The following PTPRD variants were observed in gnomAD, a reference collection of about 807,000 sequenced individuals.
PTPRD encodes protein tyrosine phosphatase receptor type D.
In PTPRD, 34 loss-of-function variants were observed where a neutral mutation model predicts 214.5. The observed-to-expected ratio is 0.16, with a 90% CI of 0.12 to 0.21. PTPRD has a LOEUF of 0.21. PTPRD is among the 10% of genes least tolerant of loss of function. PTPRD has a pLI of 1.00. For synonymous variants in PTPRD, 1,128 were observed against 845.7 expected (o/e 1.33, Z -5.79); for missense variants, 2,545 against 2,398.7 (o/e 1.06, Z -1.27).
intron 8 of PTPRD, among the ~76,000 whole-genome samples, chr9:9,464,672 T>C (rs558136374): frequency 1.1e-4 from 16 of 152,278 alleles, no homozygotes; most frequent in African/African-American, 3.4e-4. Context: ...CATCTGTTAG[T>C]TGATTTCCAC....
chr9:9,113,599 A>C (rs2099809188), intron 10 of PTPRD, among the ~76,000 whole-genome samples: 1 of 152,140 alleles, frequency 6.6e-6, no homozygotes, highest in Admixed American at 6.6e-5. Flanking sequence ...CTCCAGTCCC[A>C]GATTTGTGTA....
At chr9:8,339,581 A>G (rs759737006) in intron 42 of PTPRD, among the ~76,000 whole-genome samples, 14 of 152,070 alleles carry the variant, frequency 9.2e-5, no homozygotes, top group Non-Finnish European at 1.5e-4. Flanking sequence ...CATTGGCCAA[A>G]TCAGAGTAAG....
intron 2 of PTPRD, among the ~76,000 whole-genome samples, chr9:10,540,218 G>A (rs528809077): frequency 6.6e-6 from 1 of 152,088 alleles, no homozygotes; most frequent in African/African-American, 2.4e-5. Flanking sequence ...TTGAGAGACA[G>A]GGTTTCACCA....
intron 12 of PTPRD, among the ~76,000 whole-genome samples, chr9:8,654,444 AC>A (rs1186693082): frequency 3.3e-5 from 5 of 152,174 alleles, no homozygotes; most frequent in Non-Finnish European, 1.5e-5. Flanking sequence ...GGAGTAAACG[AC>A]GAGTTCATAA....
intron 8 of PTPRD, among the ~76,000 whole-genome samples, chr9:9,551,739 C>G (rs1050666475): frequency 6.6e-6 from 1 of 151,948 alleles, no homozygotes. Context: ...AAAAGCTGAT[C>G]TTAGAACCCC....
chr9:8,852,397 A>G lies in PTPRD; in HGVS notation c.-103-118451T>C, dbSNP rs375291607. Among the ~76,000 whole-genome samples, 6 of 152,244 alleles carry G rather than the reference A, an allele frequency of 3.9e-5. No homozygotes were observed. In the East Asian group the frequency reaches 9.6e-4, roughly 24 times the overall value. On this transcript the variant is annotated intron_variant, in intron 11 of 45. Coordinates refer to ENST00000381196, the MANE Select transcript of PTPRD (RefSeq NM_002839.4). ...GACATTGTTATCTGAATGTCAAGGA[A>G]GAAGCAAACTTAGCCTTTCTGGTCA...
chr9:10,506,960 G>A (rs967990006), intron 2 of PTPRD, among the ~76,000 whole-genome samples: 5 of 152,058 alleles, frequency 3.3e-5, no homozygotes, highest in Non-Finnish European at 7.4e-5. Context: ...GCCCTGGCCA[G>A]AACTTCCAAC....
In PTPRD at chr9:9,890,648, C is replaced by G. The variant is rs968735877; in HGVS notation, c.-368+47859G>C. On this transcript the variant is annotated intron_variant, in intron 5 of 45. Transcript: ENST00000381196. Reference sequence around the variant, plus strand: ...TTCTGGGATGGGACTCAATGAATGACCCCCAAAACAATGTTGCAGAACTGA... The same window carrying G: ...TTCTGGGATGGGACTCAATGAATGAGCCCCAAAACAATGTTGCAGAACTGA... Among the ~76,000 whole-genome samples the G allele has an allele frequency of 3.3e-5, 5 of 151,912 alleles. 1 individual carries two copies. The highest frequency in any genetic ancestry group is 1.2e-4 in the African/African-American group (5 of 41,360).
chr9:9,181,774 T>C (rs1470112093), intron 10 of PTPRD, among the ~76,000 whole-genome samples: 1 of 152,006 alleles, frequency 6.6e-6, no homozygotes, highest in Non-Finnish European at 1.5e-5. Context: ...ATGTCATTAA[T>C]GGAGGCATAT....
intron 9 of PTPRD, among the ~76,000 whole-genome samples, chr9:9,216,681 G>C (rs1156406636): frequency 6.6e-6 from 1 of 152,042 alleles, no homozygotes; most frequent in Admixed American, 6.6e-5. Flanking sequence ...ACCAAGCTTG[G>C]TATCATTCCT....
At chr9:8,545,881 T>C (rs976473504) in intron 14 of PTPRD, among the ~76,000 whole-genome samples, 3 of 152,222 alleles carry the variant, frequency 2.0e-5, no homozygotes, top group Non-Finnish European at 4.4e-5. Flanking sequence ...ATTAAGCCTG[T>C]TCAAGAAGAA....
intron 8 of PTPRD, among the ~76,000 whole-genome samples, chr9:9,501,851 G>A (rs780356162): frequency 6.6e-6 from 1 of 151,850 alleles, no homozygotes; most frequent in African/African-American, 2.4e-5. Flanking sequence ...AGAAAATATA[G>A]TAAACGGAAA....
At chr9:9,147,818 A>G (rs1209955730) in intron 10 of PTPRD, among the ~76,000 whole-genome samples, 1 of 152,186 alleles carries the variant, frequency 6.6e-6, no homozygotes. Context: ...CAAATCTGGA[A>G]TATCAATCAG....
At chr9:8,790,880 T>C (rs943056664) in intron 11 of PTPRD, among the ~76,000 whole-genome samples, 2 of 152,168 alleles carry the variant, frequency 1.3e-5, no homozygotes, top group African/African-American at 2.4e-5. Flanking sequence ...ATTCGGTCCC[T>C]CAGTCTCACT....
At chr9:10,077,235 C>T (rs567834701) in intron 3 of PTPRD, among the ~76,000 whole-genome samples, 24 of 152,246 alleles carry the variant, frequency 1.6e-4, no homozygotes, top group African/African-American at 5.5e-4. Flanking sequence ...CCTGCTCACC[C>T]CTTTCTCCCA....
chr9:9,282,091 C>A (rs923509705), intron 9 of PTPRD, among the ~76,000 whole-genome samples: 3 of 147,240 alleles, frequency 2.0e-5, no homozygotes, highest in African/African-American at 7.3e-5. Flanking sequence ...AATAGTTACC[C>A]AGAGTAAGGA....
chr9:9,744,475 A>C (rs927470215), intron 6 of PTPRD, among the ~76,000 whole-genome samples: 1 of 152,106 alleles, frequency 6.6e-6, no homozygotes, highest in African/African-American at 2.4e-5. Context: ...GAGCTTACAG[A>C]ACTTACCTCA....
chr9:8,755,437 G>A (rs185755806), intron 11 of PTPRD, among the ~76,000 whole-genome samples: 52 of 150,532 alleles, frequency 3.5e-4, no homozygotes, highest in African/African-American at 1.1e-3. Flanking sequence ...GCTGAGGCAG[G>A]AGAATCACTT....
At chr9:8,760,420 G>C (rs1174328770) in intron 11 of PTPRD, among the ~76,000 whole-genome samples, 1 of 151,932 alleles carries the variant, frequency 6.6e-6, no homozygotes, top group Non-Finnish European at 1.5e-5. Flanking sequence ...ACAATTCTTT[G>C]TTATGAATTC....
Sources: gnomAD v4.1 joint callset for allele counts (sites outside exome capture counted in the v4.1 genomes callset) on GRCh38, gnomAD v4.1.1 for gene constraint, MANE v1.5 for transcripts, NCBI Gene and HGNC (gene_info 2026-07-23, HGNC 2026-07-21) for gene names.